The following RAD51B variants were observed in gnomAD, a reference collection of about 807,000 sequenced individuals.
RAD51B encodes DNA repair protein RAD51 homolog 2.
Under a neutral mutation model 42.2 loss-of-function variants are expected in RAD51B, and 38 were observed. That is an observed-to-expected ratio of 0.90 (90% CI 0.70 to 1.18). RAD51B has a LOEUF of 1.18. RAD51B is among the 50% of genes most tolerant of loss of function. RAD51B has a pLI of 0.00. For synonymous variants in RAD51B, 154 were observed against 145.2 expected, an observed-to-expected ratio of 1.06 and a Z score of -0.43; for missense variants, 373 against 400.7, an observed-to-expected ratio of 0.93 and a Z score of 0.59.
chr14:67,932,458 A>G (rs1483611153), intron 7 of RAD51B, among the ~76,000 whole-genome samples: 3 of 152,154 alleles, frequency 2.0e-5, no homozygotes, highest in African/African-American at 7.2e-5. Flanking sequence ...TGGGCTGATC[A>G]TACTTGTTCT....
chr14:68,610,985 T>C (rs545835687), intron 10 of RAD51B: 4 of 701,780 alleles, frequency 5.7e-6, no homozygotes, highest in South Asian at 1.5e-5. Context: ...TTAAATCTGA[T>C]CTTATTCTCT....
At chr14:68,600,795 G>C (rs1009498663), downstream of RAD51B, among the ~76,000 whole-genome samples, 5 of 152,180 alleles carry the variant, frequency 3.3e-5, no homozygotes, top group Non-Finnish European at 7.3e-5. Context: ...CTGGTGGCAG[G>C]TGTCATCATC....
intron 7 of RAD51B, among the ~76,000 whole-genome samples, chr14:68,092,654 A>G (rs1047738560): frequency 1.3e-5 from 2 of 152,176 alleles, no homozygotes; most frequent in African/African-American, 4.8e-5. Flanking sequence ...AACAGGGACA[A>G]TTTGACTTCC....
At chr14:68,505,097 G>T (rs774658012) in intron 10 of RAD51B, among the ~76,000 whole-genome samples, 21 of 152,234 alleles carry the variant, frequency 1.4e-4, no homozygotes, top group Non-Finnish European at 2.5e-4. Context: ...ATTGTTACAA[G>T]AAGGGGCCTG....
intron 7 of RAD51B, among the ~76,000 whole-genome samples, chr14:68,155,690 G>A (rs552467566): frequency 6.6e-6 from 1 of 152,276 alleles, no homozygotes; most frequent in Admixed American, 6.5e-5. Flanking sequence ...GATTGCGATA[G>A]GGTAGTTACT....
At chr14:67,852,171 C>T (rs774582327) in intron 4 of RAD51B, among the ~76,000 whole-genome samples, 39 of 152,228 alleles carry the variant, frequency 2.6e-4, no homozygotes, top group Admixed American at 5.2e-4. Flanking sequence ...GACCGACTGA[C>T]CAGAGTGCTC....
At chr14:68,062,300 G>T (rs8011621) in intron 7 of RAD51B, among the ~76,000 whole-genome samples, 1 of 151,952 alleles carries the variant, frequency 6.6e-6, no homozygotes, top group African/African-American at 2.4e-5. Context: ...ATTTGTTAGT[G>T]TTTTATTGAG....
At chr14:68,218,579 CA>C in intron 7 of RAD51B, among the ~76,000 whole-genome samples, 1 of 152,296 alleles carries the variant, frequency 6.6e-6, no homozygotes, top group East Asian at 1.9e-4. Context: ...GCATTGATTT[CA>C]TAGCTATTTA....
At chr14:68,637,499 G>A (rs1241452057) in intron 10 of RAD51B, among the ~76,000 whole-genome samples, 1 of 152,238 alleles carries the variant, frequency 6.6e-6, no homozygotes, top group Non-Finnish European at 1.5e-5. Flanking sequence ...TGGTAGGAGA[G>A]GCAGAGCGAG....
At chr14:67,929,083 T>C (rs952426435) in intron 7 of RAD51B, among the ~76,000 whole-genome samples, 1 of 152,140 alleles carries the variant, frequency 6.6e-6, no homozygotes, top group East Asian at 1.9e-4. Context: ...TTAGTCTCTA[T>C]TTCATTTAGT....
chr14:68,164,800 C>G lies in RAD51B; in HGVS notation c.757-127084C>G, dbSNP rs529370111. Reference sequence around the variant, plus strand: ...CCACTAGCATTTTCAGTAACATGTACCAGATGTGGGTAGTTAATTATTCTC... The same window carrying G: ...CCACTAGCATTTTCAGTAACATGTAGCAGATGTGGGTAGTTAATTATTCTC... On this transcript the variant is annotated intron_variant, in intron 7 of 10. Transcript: ENST00000471583. Among the ~76,000 whole-genome samples, 152 of 152,216 alleles carry G rather than the reference C, an allele frequency of 1.0e-3. 2 individuals carry two copies. The highest frequency in any genetic ancestry group is 2.5e-3 in the Admixed American group (38 of 15,276).
intron 7 of RAD51B, among the ~76,000 whole-genome samples, chr14:68,277,890 G>C (rs1002822879): frequency 6.6e-6 from 1 of 152,100 alleles, no homozygotes; most frequent in Admixed American, 6.5e-5. Flanking sequence ...CTATAGGCGC[G>C]TGCCACCATG....
chr14:68,223,681 A>G (rs2079975040), intron 7 of RAD51B, among the ~76,000 whole-genome samples: 1 of 149,642 alleles, frequency 6.7e-6, no homozygotes, highest in African/African-American at 2.5e-5. Flanking sequence ...ATTTTTTAAA[A>G]TATTTTTTAA....
intron 7 of RAD51B, among the ~76,000 whole-genome samples, chr14:68,279,945 A>G (rs1217319997): frequency 1.3e-5 from 2 of 152,212 alleles, no homozygotes; most frequent in African/African-American, 4.8e-5. Flanking sequence ...TCCAGATCCC[A>G]GTGTTGTTTG....
intron 9 of RAD51B, among the ~76,000 whole-genome samples, chr14:68,426,741 T>C (rs1286375132): frequency 6.6e-6 from 1 of 152,108 alleles, no homozygotes; most frequent in African/African-American, 2.4e-5. Flanking sequence ...TAAGCAACCA[T>C]TTGATAAGGA....
chr14:68,281,110 G>A (rs2081312300), intron 7 of RAD51B, among the ~76,000 whole-genome samples: 1 of 151,940 alleles, frequency 6.6e-6, no homozygotes, highest in East Asian at 1.9e-4. Flanking sequence ...TGAGTATTAA[G>A]AAGTGAGAGA....
At chr14:68,196,833 C>A (rs2079382866) in intron 7 of RAD51B, among the ~76,000 whole-genome samples, 1 of 152,262 alleles carries the variant, frequency 6.6e-6, no homozygotes, top group Non-Finnish European at 1.5e-5. Flanking sequence ...GCTATGCTTG[C>A]CCCACAAAGG....
chr14:68,549,409 A>ATTTTTTTTTTTTTTTT (rs71129897), intron 10 of RAD51B, among the ~76,000 whole-genome samples: 2 of 63,574 alleles, frequency 3.1e-5, no homozygotes, highest in African/African-American at 4.8e-5. Context: ...CCCTGGACAC[A>ATTTTTTTTTTTTTTTT]TTTTTTTTTT....
At chr14:68,235,862 A>C (rs1175305244) in intron 7 of RAD51B, among the ~76,000 whole-genome samples, 4 of 152,182 alleles carry the variant, frequency 2.6e-5, no homozygotes, top group Admixed American at 2.6e-4. Flanking sequence ...ACACTGTAGA[A>C]TACTACACAA....
Sources: gnomAD v4.1 joint callset for allele counts (sites outside exome capture counted in the v4.1 genomes callset) on GRCh38, gnomAD v4.1.1 for gene constraint, MANE v1.5 for transcripts, NCBI Gene and HGNC (gene_info 2026-07-23, HGNC 2026-07-21) for gene names.